The following MDGA2 variants were observed in gnomAD, a reference collection of about 807,000 sequenced individuals.
MDGA2 encodes MAM domain-containing glycosylphosphatidylinositol anchor protein 2.
MDGA2 carries 40 observed loss-of-function variants against 117.8 expected under a neutral mutation model. That is an observed-to-expected ratio of 0.34 (90% CI 0.26 to 0.44). The LOEUF is 0.44. Ranked by LOEUF, MDGA2 falls within the 20% of genes least tolerant of loss-of-function variation. MDGA2 has a pLI of 1.00. For missense variants in MDGA2, 1,123 were observed against 1,250.6 expected, an observed-to-expected ratio of 0.90 and a Z score of 1.54; for synonymous variants, 452 against 439.0, an observed-to-expected ratio of 1.03 and a Z score of -0.37.
At chr14:47,166,792 C>T (rs951887287) in intron 3 of MDGA2, among the ~76,000 whole-genome samples, 1 of 152,192 alleles carries the variant, frequency 6.6e-6, no homozygotes, top group East Asian at 1.9e-4. Flanking sequence ...ATATTACACA[C>T]GACTCCAGTT....
intron 3 of MDGA2, among the ~76,000 whole-genome samples, chr14:47,204,056 A>G (rs1885599950): frequency 6.6e-6 from 1 of 152,064 alleles, no homozygotes; most frequent in South Asian, 2.1e-4. Context: ...AGAAATGAGC[A>G]TATACACAGT....
intron 1 of MDGA2, among the ~76,000 whole-genome samples, chr14:47,437,759 C>T (rs1892927025): frequency 6.6e-6 from 1 of 152,134 alleles, no homozygotes; most frequent in Non-Finnish European, 1.5e-5. Context: ...ACAAGCACAG[C>T]TGGAAAAACA....
intron 1 of MDGA2, among the ~76,000 whole-genome samples, chr14:47,379,707 C>A (rs1438084819): frequency 1.3e-5 from 2 of 152,132 alleles, no homozygotes; most frequent in Non-Finnish European, 2.9e-5. Context: ...TACAGGAGCA[C>A]CCAGATTCAT....
intron 2 of MDGA2, among the ~76,000 whole-genome samples, chr14:47,226,698 A>G (rs1310529951): frequency 6.6e-6 from 1 of 152,106 alleles, no homozygotes; most frequent in African/African-American, 2.4e-5. Context: ...GAGAAGTTTG[A>G]TTTTGTCGCA....
At chr14:47,414,512 C>T (rs567196984) in intron 1 of MDGA2, among the ~76,000 whole-genome samples, 13 of 152,012 alleles carry the variant, frequency 8.6e-5, no homozygotes, top group Non-Finnish European at 1.6e-4. Context: ...AAATGAATTT[C>T]TTGCGATATA....
intron 1 of MDGA2, among the ~76,000 whole-genome samples, chr14:47,546,758 A>C (rs1381307249): frequency 6.6e-6 from 1 of 152,256 alleles, no homozygotes; most frequent in South Asian, 2.1e-4. Context: ...TGGGATTTCA[A>C]ATTAATTTAA....
chr14:47,330,637 T>C (rs1486812309), intron 1 of MDGA2, among the ~76,000 whole-genome samples: 3 of 151,826 alleles, frequency 2.0e-5, no homozygotes, highest in Non-Finnish European at 4.4e-5. Context: ...ATTTCAATCA[T>C]GACAGGTAGC....
intron 1 of MDGA2, among the ~76,000 whole-genome samples, chr14:47,602,645 G>A (rs1594938816): frequency 6.6e-6 from 1 of 152,262 alleles, no homozygotes; most frequent in South Asian, 2.1e-4. Context: ...GAGGATAAAA[G>A]TGACAGACAG....
intron 1 of MDGA2, among the ~76,000 whole-genome samples, chr14:47,353,275 C>T (rs529960672): frequency 6.6e-6 from 1 of 152,268 alleles, no homozygotes; most frequent in South Asian, 2.1e-4. Flanking sequence ...AATGAAAATG[C>T]ATATACTTTC....
At position 47,432,122 on chromosome 14, in the gene MDGA2, A is replaced by C. The variant is rs78545392; in HGVS notation, c.281-130572T>G. On this transcript the variant is annotated intron_variant, in intron 1 of 16. Transcript: ENST00000399232. ...CTGTGCTAACCTATGGGTGCTGTGCACATATCAAGCTCTGATTGTTTTTTT... is the reference window on the plus strand; with the variant it reads ...CTGTGCTAACCTATGGGTGCTGTGCCCATATCAAGCTCTGATTGTTTTTTT... 3.6e-3 allele frequency among the ~76,000 whole-genome samples: 535 copies of C among 149,660 alleles called. 4 individuals are homozygous for C. Among genetic ancestry groups the C allele is most frequent in the African/African-American group, 0.013 (513 of 40,736 alleles).
chr14:47,105,548 T>C (rs1483480388), intron 5 of MDGA2, among the ~76,000 whole-genome samples: 5 of 152,012 alleles, frequency 3.3e-5, no homozygotes, highest in African/African-American at 9.7e-5. Context: ...TCTGCAATGC[T>C]GCTTGACCCC....
At chr14:47,671,213 G>A (rs907855742) in intron 1 of MDGA2, among the ~76,000 whole-genome samples, 1 of 152,112 alleles carries the variant, frequency 6.6e-6, no homozygotes, top group African/African-American at 2.4e-5. Flanking sequence ...TGTGCAGTTC[G>A]TTTGCTAAGC....
In MDGA2 at chr14:47,195,148, T is replaced by C. The variant is rs984795100; in HGVS notation, c.595+22873A>G. On this transcript the variant is annotated intron_variant, in intron 3 of 16. Transcript: ENST00000399232. ...CAGTGGCATAAAAATTTTTCTTCAT[T>C]CAACTTCAAATTATATTATTTTCAT... Among the ~76,000 whole-genome samples, 15 of 152,158 alleles carry C rather than the reference T, an allele frequency of 9.9e-5. No individual in the cohort carries two copies. In the East Asian group the frequency reaches 2.1e-3, roughly 22 times the overall value.
intron 9 of MDGA2, among the ~76,000 whole-genome samples, chr14:46,947,715 C>T (rs917465593): frequency 3.9e-5 from 6 of 151,980 alleles, no homozygotes; most frequent in African/African-American, 1.4e-4. Flanking sequence ...GTGAGGCTTC[C>T]CCAGCTACGG....
At chr14:47,481,225 T>C (rs1893948398) in intron 1 of MDGA2, among the ~76,000 whole-genome samples, 1 of 151,976 alleles carries the variant, frequency 6.6e-6, no homozygotes, top group South Asian at 2.1e-4. Context: ...GAAATCTGAC[T>C]TGGCAAAGAA....
chr14:47,321,493 T>C (rs1320216134), intron 1 of MDGA2, among the ~76,000 whole-genome samples: 3 of 152,206 alleles, frequency 2.0e-5, no homozygotes, highest in African/African-American at 4.8e-5. Context: ...CTGCTCAGCT[T>C]GTCAACATTC....
At chr14:46,956,943 C>T (rs553069177) in intron 9 of MDGA2, among the ~76,000 whole-genome samples, 5 of 152,216 alleles carry the variant, frequency 3.3e-5, no homozygotes, top group African/African-American at 1.2e-4. Context: ...TTTGCTGCCA[C>T]CATGTGAAGT....
At chr14:46,971,891 A>G (rs961090112) in intron 8 of MDGA2, among the ~76,000 whole-genome samples, 1 of 152,188 alleles carries the variant, frequency 6.6e-6, no homozygotes, top group African/African-American at 2.4e-5. Context: ...TGTTATCAGT[A>G]CAATTGTTTT....
chr14:46,990,898 ACAC>A (rs796751284), intron 8 of MDGA2, among the ~76,000 whole-genome samples: 20 of 143,664 alleles, frequency 1.4e-4, no homozygotes, highest in African/African-American at 5.1e-4. Context: ...ACACACACAC[ACAC>A]CCCGCGTAAG....
Sources: allele counts gnomAD v4.1 joint callset (sites outside exome capture counted in the v4.1 genomes callset), GRCh38; gene constraint gnomAD v4.1.1; transcripts MANE v1.5; gene names NCBI Gene and HGNC (gene_info 2026-07-23, HGNC 2026-07-21).